The following MAN1A1 variants were observed in gnomAD, a reference collection of about 807,000 sequenced individuals.
MAN1A1 encodes the protein mannosidase alpha class 1A member 1, also known as mannosyl-oligosaccharide 1,2-alpha-mannosidase IA.
MAN1A1 carries 29 observed loss-of-function variants against 70.8 expected under a neutral mutation model. The ratio of observed to expected loss-of-function variants is 0.41; its 90% CI spans 0.31 to 0.56. MAN1A1 has a LOEUF of 0.56. Among genes scored for constraint, MAN1A1 ranks in the 20% least tolerant of loss-of-function variants. The pLI is 0.29. For synonymous variants in MAN1A1, 349 were observed against 330.1 expected (o/e 1.06, Z -0.62); for missense variants, 747 against 841.3 (o/e 0.89, Z 1.39).
intron 2 of MAN1A1, among the ~76,000 whole-genome samples, chr6:119,335,568 G>A (rs1773429633): frequency 1.3e-5 from 2 of 152,194 alleles, no homozygotes; most frequent in African/African-American, 4.8e-5. Flanking sequence ...CTTCTAGGGT[G>A]TCTGAAATCT....
At position 119,249,602 on chromosome 6, in the gene MAN1A1, CAG is replaced by C. The variant is rs1178377772; in HGVS notation, c.898-1250_898-1249del. On this transcript the variant is annotated intron_variant, in intron 5 of 12. Transcript: ENST00000368468. Reference sequence around the variant, plus strand: ...GGAAAATGGAGGCAAAGTTCTCTGTCAGCCACTGGGGAAGCATTCACTAAAGC... The same window carrying C: ...GGAAAATGGAGGCAAAGTTCTCTGTCCCACTGGGGAAGCATTCACTAAAGC... 2.0e-5 allele frequency among the ~76,000 whole-genome samples: 3 copies of C among 152,064 alleles called. No individual in the cohort carries two copies. The South Asian group carries it at 6.3e-4, about 32-fold the overall frequency.
At chr6:119,211,054 C>T (rs1041794797) in intron 6 of MAN1A1, 2 of 309,304 alleles carry the variant, frequency 6.5e-6, no homozygotes, top group Non-Finnish European at 1.3e-5. Context: ...TATATTCCAT[C>T]TTCGGAAATA....
chr6:119,179,220 A>G lies in MAN1A1; in HGVS notation c.*599T>C, dbSNP rs1397160787. ...GCAGTTCCGATGAAATGAGGTCAACATGACATGATCCTTTTGGAATGACTT... is the reference window on the plus strand; with the variant it reads ...GCAGTTCCGATGAAATGAGGTCAACGTGACATGATCCTTTTGGAATGACTT... On this transcript the variant is annotated 3_prime_UTR_variant, in exon 13 of 13. Coordinates refer to ENST00000368468, the MANE Select transcript of MAN1A1 (RefSeq NM_005907.4). 1 of 152,646 alleles carries G rather than the reference A, an allele frequency of 6.6e-6. No homozygotes were observed. The highest frequency in any genetic ancestry group is 1.5e-5 in the Non-Finnish European group (1 of 68,016). 9.5% of individuals were successfully genotyped at this position (152,646 alleles called of 1,614,324 possible). A position where few individuals can be genotyped will look rare whatever the true frequency, so the allele number is the denominator to read the frequency against.
At chr6:119,210,934 T>C (rs950046096) in intron 6 of MAN1A1, 1 of 455,914 alleles carries the variant, frequency 2.2e-6, no homozygotes, top group Non-Finnish European at 4.4e-6. Flanking sequence ...CATCCACCTG[T>C]TGTAAATCAT....
intron 2 of MAN1A1, among the ~76,000 whole-genome samples, chr6:119,321,871 A>C (rs1773018973): frequency 6.6e-6 from 1 of 152,004 alleles, no homozygotes. Context: ...CACCCACCTC[A>C]GCCTCCCAAA....
chr6:119,319,573 T>G (rs908648456), intron 2 of MAN1A1, among the ~76,000 whole-genome samples: 31 of 152,126 alleles, frequency 2.0e-4, no homozygotes, highest in Admixed American at 1.6e-3. Flanking sequence ...CGCCATAAAT[T>G]TAGGAAGTAA....
chr6:119,337,629 C>T (rs575083690), intron 2 of MAN1A1, among the ~76,000 whole-genome samples: 1 of 152,294 alleles, frequency 6.6e-6, no homozygotes, highest in South Asian at 2.1e-4. Context: ...ACTTCCAACC[C>T]TACACTGTGG....
At chr6:119,185,795 G>C (rs113112800) in intron 11 of MAN1A1, among the ~76,000 whole-genome samples, 2,469 of 150,536 alleles carry the variant, frequency 0.016, 68 homozygotes, top group African/African-American at 0.058. Context: ...TAGCCAGGAT[G>C]GTCTCGATCT....
In MAN1A1 at chr6:119,189,659, C is replaced by T. The variant is rs1415675171; in HGVS notation, c.1546+5G>A. On this transcript the variant is annotated splice_donor_5th_base_variant and intron_variant, in intron 10 of 12. Transcript: ENST00000368468. ...GACCATAAATGAAGAATAACATGTA[C>T]TCACATGTTCGATTATATGATTCAT... 6.2e-7 allele frequency: 1 copy of T among 1,610,286 alleles called. No individual in the cohort carries two copies. The highest frequency in any genetic ancestry group is 1.7e-5 in the Admixed American group (1 of 60,002).
intron 2 of MAN1A1, among the ~76,000 whole-genome samples, chr6:119,341,152 G>T (rs1773585300): frequency 2.6e-5 from 4 of 151,860 alleles, no homozygotes; most frequent in South Asian, 4.2e-4. Flanking sequence ...ATCTCATTTG[G>T]TTTTTTTTCA....
At chr6:119,218,996 C>T (rs942105895) in intron 6 of MAN1A1, among the ~76,000 whole-genome samples, 5 of 152,104 alleles carry the variant, frequency 3.3e-5, no homozygotes, top group African/African-American at 1.2e-4. Context: ...GAATGTGCTG[C>T]AGAAACTTAA....
In MAN1A1 at chr6:119,280,552, T is replaced by C. The variant is rs549171586; in HGVS notation, c.897+10131A>G. 5.3e-5 allele frequency among the ~76,000 whole-genome samples: 8 copies of C among 152,370 alleles called. No homozygotes were observed. The East Asian group carries it at 1.3e-3, about 26-fold the overall frequency. ...CTTAATGAATGAAATTACCAGATGG[T>C]ATATTATCACAATTCTGAGGCATTT... On this transcript the variant is annotated intron_variant, in intron 5 of 12. Coordinates refer to ENST00000368468, the MANE Select transcript of MAN1A1 (RefSeq NM_005907.4).
chr6:119,283,632 G>A (rs1324701800), intron 5 of MAN1A1, among the ~76,000 whole-genome samples: 1 of 152,070 alleles, frequency 6.6e-6, no homozygotes, highest in African/African-American at 2.4e-5. Flanking sequence ...GTGGGTGGAA[G>A]GAGCAGGGTG....
chr6:119,300,259 T>C (rs901463828), intron 4 of MAN1A1, among the ~76,000 whole-genome samples: 1 of 151,028 alleles, frequency 6.6e-6, no homozygotes, highest in Admixed American at 6.6e-5. Context: ...TGTTTTGTTT[T>C]TGTTTTTTTT....
At position 119,304,996 on chromosome 6, in the gene MAN1A1, T is replaced by C. The variant is rs182137098; in HGVS notation, c.700+1900A>G. Among the ~76,000 whole-genome samples the C allele has an allele frequency of 8.5e-5, 13 of 152,280 alleles. No individual in the cohort carries two copies. The East Asian group carries it at 1.7e-3, about 20-fold the overall frequency. On this transcript the variant is annotated intron_variant, in intron 3 of 12. Transcript: ENST00000368468. ...TTGTATGTCTTTGTAACAAGTTCCATTGTATTGGTATTTCTATAATAAGAA... is the reference window on the plus strand; with the variant it reads ...TTGTATGTCTTTGTAACAAGTTCCACTGTATTGGTATTTCTATAATAAGAA...
chr6:119,239,857 A>G (rs1392006184), intron 6 of MAN1A1, among the ~76,000 whole-genome samples: 1 of 152,166 alleles, frequency 6.6e-6, no homozygotes, highest in East Asian at 1.9e-4. Flanking sequence ...CTTGTTCCCA[A>G]TCTAAGTTCT....
intron 6 of MAN1A1, among the ~76,000 whole-genome samples, chr6:119,238,656 T>G (rs937516124): frequency 2.6e-5 from 4 of 152,210 alleles, no homozygotes; most frequent in African/African-American, 9.7e-5. Context: ...GAACTTGACT[T>G]AATTGGAAGC....
intron 4 of MAN1A1, among the ~76,000 whole-genome samples, chr6:119,298,944 GAA>G (rs1308136887): frequency 1.3e-5 from 2 of 151,388 alleles, no homozygotes; most frequent in African/African-American, 4.9e-5. Context: ...ACCTTATCAG[GAA>G]AAAGTGTTAA....
chr6:119,289,839 G>T (rs1776485008), intron 5 of MAN1A1, among the ~76,000 whole-genome samples: 1 of 151,978 alleles, frequency 6.6e-6, no homozygotes, highest in African/African-American at 2.4e-5. Flanking sequence ...AGCAATACAT[G>T]AAATACTGGT....
Sources: allele counts gnomAD v4.1 joint callset (sites outside exome capture counted in the v4.1 genomes callset), GRCh38; gene constraint gnomAD v4.1.1; transcripts MANE v1.5; gene names NCBI Gene and HGNC (gene_info 2026-07-23, HGNC 2026-07-21).